FNBP1L: variants seen among roughly 807,000 people sequenced by gnomAD.
FNBP1L encodes the protein formin-binding protein 1-like.
Under a neutral mutation model 91.2 loss-of-function variants are expected in FNBP1L, and 36 were observed. That is an observed-to-expected ratio of 0.39 (90% CI 0.30 to 0.52). The LOEUF is 0.52. Among genes scored for constraint, FNBP1L ranks in the 20% least tolerant of loss-of-function variants. The pLI is 0.66. For synonymous variants in FNBP1L, 242 were observed against 237.0 expected, an observed-to-expected ratio of 1.02 and a Z score of -0.19; for missense variants, 571 against 732.1, an observed-to-expected ratio of 0.78 and a Z score of 2.54.
intron 2 of FNBP1L, among the ~76,000 whole-genome samples, chr1:93,508,322 C>CT (rs1246655929): frequency 2.6e-5 from 4 of 152,104 alleles, no homozygotes; most frequent in African/African-American, 9.7e-5. Context: ...GTACTCCAGC[C>CT]TGGGTGACAG....
rs1672491313 is a variant in FNBP1L at position 93,553,730 on chromosome 1, T to G, written c.*1314T>G. 2 of 152,646 alleles carry G rather than the reference T, an allele frequency of 1.3e-5. No individual in the cohort carries two copies. The highest frequency in any genetic ancestry group is 4.8e-5 in the African/African-American group (2 of 41,458). 9.5% of individuals were successfully genotyped at this position (152,646 alleles called of 1,614,324 possible). On this transcript the variant is annotated 3_prime_UTR_variant, in exon 17 of 17. Transcript: ENST00000271234. ...TTTATACTTGTAAATATGATTGTTGTTAGTGCTCCTGTTGCTCATGGTGTC... is the reference window on the plus strand; with the variant it reads ...TTTATACTTGTAAATATGATTGTTGGTAGTGCTCCTGTTGCTCATGGTGTC...
intron 5 of FNBP1L, among the ~76,000 whole-genome samples, chr1:93,526,634 C>T (rs368989539): frequency 2.6e-4 from 39 of 152,196 alleles, no homozygotes; most frequent in African/African-American, 8.9e-4. Flanking sequence ...CTGTACTGGG[C>T]GGGGCAGGCT....
chr1:93,487,424 A>G (rs1474849137), intron 1 of FNBP1L, among the ~76,000 whole-genome samples: 3 of 152,180 alleles, frequency 2.0e-5, no homozygotes, highest in Non-Finnish European at 4.4e-5. Flanking sequence ...TACAGTCTGA[A>G]ATGTTACAAA....
intron 14 of FNBP1L, among the ~76,000 whole-genome samples, chr1:93,548,012 G>A (rs1672297761): frequency 6.6e-6 from 1 of 152,096 alleles, no homozygotes; most frequent in African/African-American, 2.4e-5. Context: ...TGTAATCTGA[G>A]CAAGTTCATT....
At position 93,498,035 on chromosome 1, in the gene FNBP1L, G is replaced by A. The variant is rs532795375; in HGVS notation, c.25-1433G>A. Among the ~76,000 whole-genome samples the A allele has an allele frequency of 4.6e-5, 7 of 150,972 alleles. No homozygotes were observed. In the East Asian group the frequency reaches 1.4e-3, roughly 29 times the overall value. On this transcript the variant is annotated intron_variant, in intron 1 of 16. Transcript: ENST00000271234. ...CATCTCTTTTTAAAATTTCTATTGT[G>A]ATTTCATAACTACGTAATTCAATAG...
intron 2 of FNBP1L, among the ~76,000 whole-genome samples, chr1:93,519,506 A>G (rs926100382): frequency 6.6e-6 from 1 of 152,140 alleles, no homozygotes; most frequent in Non-Finnish European, 1.5e-5. Flanking sequence ...TTACCATATT[A>G]TGTTATGTAA....
At chr1:93,551,151 T>TA in intron 16 of FNBP1L, 46 bp downstream of exon 16, 1 of 1,514,362 alleles carries the variant, frequency 6.6e-7, no homozygotes, top group Non-Finnish European at 8.9e-7. Context: ...TTGTGCCATG[T>TA]GTGACATAGG....
At chr1:93,535,486 T>C (rs1425453721) in intron 9 of FNBP1L, among the ~76,000 whole-genome samples, 1 of 152,096 alleles carries the variant, frequency 6.6e-6, no homozygotes, top group Admixed American at 6.5e-5. Context: ...GCAAATGAAA[T>C]AGATGGGTGC....
intron 1 of FNBP1L, among the ~76,000 whole-genome samples, chr1:93,450,799 C>T (rs1570752286): frequency 1.3e-5 from 2 of 152,190 alleles, no homozygotes; most frequent in East Asian, 3.9e-4. Flanking sequence ...TGCACTTAAA[C>T]CTGAGTCTGT....
chr1:93,514,691 G>C (rs1313206113), intron 2 of FNBP1L, among the ~76,000 whole-genome samples: 1 of 152,090 alleles, frequency 6.6e-6, no homozygotes, highest in East Asian at 1.9e-4. Flanking sequence ...TTAATAAATG[G>C]TGCTGGGAAA....
chr1:93,536,952 TA>T (rs952194344), intron 10 of FNBP1L, among the ~76,000 whole-genome samples: 9 of 151,852 alleles, frequency 5.9e-5, no homozygotes, highest in East Asian at 1.9e-4. Context: ...TTCCAATAGT[TA>T]AAAAAAATTA....
chr1:93,484,577 C>T (rs1669829713), intron 1 of FNBP1L, among the ~76,000 whole-genome samples: 1 of 152,194 alleles, frequency 6.6e-6, no homozygotes, highest in Admixed American at 6.5e-5. Context: ...AAAATGTCAG[C>T]ACAGGGGGAC....
chr1:93,550,725 T>A lies in FNBP1L; in HGVS notation c.1652-222T>A, dbSNP rs1033652775. Reference sequence around the variant, plus strand: ...AACTTCATCCGTTACATGGGGGTGATGTTATCCAGCCCTGCGGGCTTATTA... The same window carrying A: ...AACTTCATCCGTTACATGGGGGTGAAGTTATCCAGCCCTGCGGGCTTATTA... On this transcript the variant is annotated intron_variant, in intron 15 of 16. Coordinates refer to ENST00000271234, the MANE Select transcript of FNBP1L (RefSeq NM_001164473.3). 3.3e-5 allele frequency among the ~76,000 whole-genome samples: 5 copies of A among 152,196 alleles called. No homozygotes were observed. The South Asian group carries it at 6.2e-4, about 19-fold the overall frequency.
intron 10 of FNBP1L, among the ~76,000 whole-genome samples, chr1:93,537,443 A>G (rs1194414887): frequency 6.6e-6 from 1 of 151,716 alleles, no homozygotes; most frequent in Non-Finnish European, 1.5e-5. Flanking sequence ...TTCTGTCTTC[A>G]CATTGCATTT....
chr1:93,499,597 T>C lies in FNBP1L; in HGVS notation c.140+14T>C, dbSNP rs898960795. The stretch of plus-strand genomic sequence containing the variant: ...GAAACAATTGAGGTAAGTTAATTTT[T>C]TTTTCAGTTTTTAGAATGAAATTAC... On this transcript the variant is annotated intron_variant, in intron 2 of 16. Transcript: ENST00000271234. 1 of 1,460,936 alleles carries C rather than the reference T, an allele frequency of 6.8e-7. No individual in the cohort carries two copies. The highest frequency in any genetic ancestry group is 1.4e-5 in the African/African-American group (1 of 70,330). The allele number at this position is 1,460,936 out of a possible 1,614,324, so 90.5% of individuals were successfully genotyped here.
intron 2 of FNBP1L, among the ~76,000 whole-genome samples, chr1:93,516,639 C>T (rs2101745100): frequency 6.6e-6 from 1 of 151,828 alleles, no homozygotes; most frequent in South Asian, 2.1e-4. Context: ...CCCGTCTCCG[C>T]TAAAAATACA....
chr1:93,475,240 A>G (rs1433037822), intron 1 of FNBP1L, among the ~76,000 whole-genome samples: 1 of 152,078 alleles, frequency 6.6e-6, no homozygotes, highest in Non-Finnish European at 1.5e-5. Context: ...TTCTGAAAAT[A>G]TATAATAAAA....
intron 2 of FNBP1L, among the ~76,000 whole-genome samples, chr1:93,511,579 T>A (rs1670843896): frequency 6.6e-6 from 1 of 152,128 alleles, no homozygotes; most frequent in Non-Finnish European, 1.5e-5. Context: ...AACATCATAA[T>A]GACAGGATCA....
chr1:93,462,824 T>TC (rs1473899316), intron 1 of FNBP1L, among the ~76,000 whole-genome samples: 1 of 152,156 alleles, frequency 6.6e-6, no homozygotes, highest in Non-Finnish European at 1.5e-5. Context: ...TATTTTTTTT[T>TC]CCTCCTTTTT....
Sources: allele counts gnomAD v4.1 joint callset (sites outside exome capture counted in the v4.1 genomes callset), GRCh38; gene constraint gnomAD v4.1.1; transcripts MANE v1.5; gene names NCBI Gene and HGNC (gene_info 2026-07-23, HGNC 2026-07-21).